The following SNX29 variants were observed in gnomAD, a reference collection of about 807,000 sequenced individuals.
SNX29 encodes sorting nexin-29.
SNX29 carries 78 observed loss-of-function variants against 102.1 expected under a neutral mutation model. That is an observed-to-expected ratio of 0.76 (90% CI 0.64 to 0.92). The LOEUF is 0.92. Among genes scored for constraint, SNX29 ranks in the 40% least tolerant of loss-of-function variants. The pLI is 0.00. For synonymous variants in SNX29, 580 were observed against 414.5 expected (o/e 1.40, Z -4.85); for missense variants, 1,280 against 1,061.7 (o/e 1.21, Z -2.86).
rs1211293972 is a variant in SNX29, at chr16:12,423,200, T to G, written c.2037+19671T>G. On this transcript the variant is annotated intron_variant, in intron 18 of 20. Transcript: ENST00000566228. The stretch of plus-strand genomic sequence containing the variant: ...TACTCACCAATGCATGGGGTTGTTT[T>G]TTTTTTTTAAACACAGAAATAAAAT... Among the ~76,000 whole-genome samples the G allele has an allele frequency of 2.0e-5, 3 of 152,066 alleles. No individual in the cohort carries two copies. In the East Asian group the frequency reaches 5.8e-4, roughly 29 times the overall value.
At chr16:12,396,498 C>G (rs932613847) in intron 16 of SNX29, among the ~76,000 whole-genome samples, 4 of 152,134 alleles carry the variant, frequency 2.6e-5, no homozygotes, top group Non-Finnish European at 5.9e-5. Flanking sequence ...ATCCCCATAG[C>G]GTGCCCAGAA....
intron 15 of SNX29, among the ~76,000 whole-genome samples, chr16:12,342,524 A>C (rs2081639606): frequency 6.6e-6 from 1 of 152,150 alleles, no homozygotes; most frequent in Non-Finnish European, 1.5e-5. Context: ...TTTCCATTGT[A>C]ATGTCTGTGG....
At chr16:12,478,466 C>T (rs760651286) in intron 19 of SNX29, among the ~76,000 whole-genome samples, 2 of 152,130 alleles carry the variant, frequency 1.3e-5, no homozygotes, top group African/African-American at 4.8e-5. Context: ...CCCAATTTGT[C>T]GCTGTTTATT....
At chr16:12,523,614 C>T (rs1052732290) in intron 19 of SNX29, among the ~76,000 whole-genome samples, 2 of 152,318 alleles carry the variant, frequency 1.3e-5, no homozygotes, top group African/African-American at 4.8e-5. Context: ...GAATGGTGGG[C>T]AGTAGCTCAC....
chr16:12,412,330 C>T lies in SNX29; in HGVS notation c.2037+8801C>T, dbSNP rs146697110. Among the ~76,000 whole-genome samples the T allele has an allele frequency of 4.6e-5, 7 of 152,328 alleles. No individual in the cohort carries two copies. The East Asian group carries it at 9.6e-4, about 21-fold the overall frequency. On this transcript the variant is annotated intron_variant, in intron 18 of 20. Transcript: ENST00000566228. Reference sequence around the variant, plus strand: ...CTGCCTCATGCCTCTGTCTGCTCCACGTTGCTCCTCACCCAACCACCAAGG... The same window carrying T: ...CTGCCTCATGCCTCTGTCTGCTCCATGTTGCTCCTCACCCAACCACCAAGG...
intron 7 of SNX29, among the ~76,000 whole-genome samples, chr16:12,050,656 A>T (rs2050261290): frequency 6.6e-6 from 1 of 152,072 alleles, no homozygotes; most frequent in Non-Finnish European, 1.5e-5. Context: ...AGGAAAGCAA[A>T]GGCAAAGCTG....
intron 14 of SNX29, among the ~76,000 whole-genome samples, chr16:12,200,965 T>C (rs2076900751): frequency 6.6e-6 from 1 of 152,200 alleles, no homozygotes; most frequent in African/African-American, 2.4e-5. Flanking sequence ...ATATAATAAA[T>C]GGTGGTGGTT....
At chr16:12,523,588 G>C (rs531970817) in intron 19 of SNX29, among the ~76,000 whole-genome samples, 23 of 152,202 alleles carry the variant, frequency 1.5e-4, no homozygotes, top group African/African-American at 5.5e-4. Flanking sequence ...TGGAGCCCCT[G>C]GTTCCAAATT....
rs773896261 is a variant in SNX29 at position 12,147,601 on chromosome 16, C to T, written c.1595+17843C>T. The stretch of plus-strand genomic sequence containing the variant: ...TAAATGCTGGTGTTTGAGTTACTTC[C>T]GAGAAATGGTTGGAATGAAACAGCT... On this transcript the variant is annotated intron_variant, in intron 13 of 20. Transcript: ENST00000566228. 1.6e-4 allele frequency among the ~76,000 whole-genome samples: 25 copies of T among 152,224 alleles called. 1 individual carries two copies. Among genetic ancestry groups the T allele is most frequent in the Admixed American group, 3.3e-4 (5 of 15,290 alleles).
intron 14 of SNX29, among the ~76,000 whole-genome samples, chr16:12,267,629 T>C (rs2078967093): frequency 6.6e-6 from 1 of 152,212 alleles, no homozygotes; most frequent in Admixed American, 6.5e-5. Flanking sequence ...TGTGCTCAGC[T>C]GTTGACCAGG....
chr16:12,512,418 A>ATATATAT (rs1555559124), intron 19 of SNX29, among the ~76,000 whole-genome samples: 5 of 61,020 alleles, frequency 8.2e-5, no homozygotes, highest in Admixed American at 1.9e-4. Flanking sequence ...ATATATATAT[A>ATATATAT]GTTTTCGGTT....
intron 16 of SNX29, among the ~76,000 whole-genome samples, chr16:12,368,771 T>G (rs112762328): frequency 6.6e-6 from 1 of 152,370 alleles, no homozygotes; most frequent in South Asian, 2.1e-4. Context: ...GGTTTGAGTT[T>G]GCCGCTCACA....
chr16:12,568,642 C>A lies in SNX29; in HGVS notation c.*13C>A, dbSNP rs375169461. 1.2e-5 allele frequency: 19 copies of A among 1,600,712 alleles called. No homozygotes were observed. The highest frequency in any genetic ancestry group is 6.7e-5 in the Admixed American group (4 of 59,912). Reference sequence around the variant, plus strand: ...CGGTGACCTCTGACCTCGACAAAACCGCAGCCACGGGCCCTGTGCGTGGCA... The same window carrying A: ...CGGTGACCTCTGACCTCGACAAAACAGCAGCCACGGGCCCTGTGCGTGGCA... On this transcript the variant is annotated 3_prime_UTR_variant, in exon 21 of 21. Transcript: ENST00000566228.
intron 15 of SNX29, among the ~76,000 whole-genome samples, chr16:12,346,668 A>G (rs1264827105): frequency 6.6e-6 from 1 of 152,178 alleles, no homozygotes; most frequent in Non-Finnish European, 1.5e-5. Context: ...CACACCTTTC[A>G]GCAGAGGGCT....
chr16:12,538,867 A>G (rs747092941), intron 20 of SNX29, among the ~76,000 whole-genome samples: 1 of 151,806 alleles, frequency 6.6e-6, no homozygotes. Flanking sequence ...AGAACGGTAG[A>G]TGGGGCCATT....
intron 9 of SNX29, 95 bp from the exon 10 acceptor site, chr16:12,068,962 T>A: frequency 8.6e-7 from 1 of 1,162,302 alleles, no homozygotes; most frequent in Non-Finnish European, 1.3e-6. Context: ...TCAAGTGATG[T>A]AGCAGATGAG....
chr16:12,411,718 G>A (rs916090314), intron 18 of SNX29, among the ~76,000 whole-genome samples: 7 of 152,192 alleles, frequency 4.6e-5, no homozygotes, highest in African/African-American at 1.4e-4. Flanking sequence ...AAGGCAGGCT[G>A]TGTGGGGTAA....
intron 19 of SNX29, among the ~76,000 whole-genome samples, chr16:12,503,451 C>T (rs75722425): frequency 0.042 from 6,325 of 152,184 alleles, 358 homozygotes; most frequent in African/African-American, 0.12. Context: ...CAGAATGGGG[C>T]TCCAGGATGG....
chr16:12,498,657 C>T (rs560709155), intron 19 of SNX29, among the ~76,000 whole-genome samples: 4 of 152,184 alleles, frequency 2.6e-5, no homozygotes, highest in African/African-American at 9.6e-5. Flanking sequence ...ATAATGCACA[C>T]ATAAGCAAAC....
Sources: gnomAD v4.1 joint callset for allele counts (sites outside exome capture counted in the v4.1 genomes callset) on GRCh38, gnomAD v4.1.1 for gene constraint, MANE v1.5 for transcripts, NCBI Gene and HGNC (gene_info 2026-07-23, HGNC 2026-07-21) for gene names.